Variants in PSMA1 observed in about 807,000 individuals in gnomAD.
The protein encoded by PSMA1 is proteasome 20S subunit alpha 1.
A neutral mutation model predicts 38.4 loss-of-function variants in PSMA1; 3 were observed. The observed-to-expected ratio is 0.08, with a 90% CI of 0.04 to 0.20. PSMA1 has a LOEUF of 0.20. PSMA1 is among the 10% of genes least tolerant of loss of function. PSMA1 has a pLI of 1.00. For synonymous variants in PSMA1, 101 were observed against 107.1 expected, an observed-to-expected ratio of 0.94 and a Z score of 0.35; for missense variants, 227 against 325.3, an observed-to-expected ratio of 0.70 and a Z score of 2.32.
intron 1 of PSMA1, among the ~76,000 whole-genome samples, chr11:14,634,024 C>T (rs1352569927): frequency 6.6e-6 from 1 of 152,178 alleles, no homozygotes; most frequent in Admixed American, 6.5e-5. Flanking sequence ...ACCCACTGAC[C>T]TGCGCCCACT....
chr11:14,559,356 G>A (rs924971920), intron 2 of PSMA1, among the ~76,000 whole-genome samples: 1 of 152,178 alleles, frequency 6.6e-6, no homozygotes, highest in African/African-American at 2.4e-5. Context: ...AAGAAATAGA[G>A]AAACAAGATG....
At chr11:14,566,234 A>C (rs1206720945) in intron 2 of PSMA1, among the ~76,000 whole-genome samples, 2 of 152,234 alleles carry the variant, frequency 1.3e-5, no homozygotes, top group East Asian at 3.8e-4. Flanking sequence ...TCTAGCTGCT[A>C]TATTGGGAAT....
intron 2 of PSMA1, among the ~76,000 whole-genome samples, chr11:14,572,372 G>A (rs568783131): frequency 2.0e-5 from 3 of 152,246 alleles, no homozygotes; most frequent in Non-Finnish European, 4.4e-5. Flanking sequence ...ACTGAAAACT[G>A]CTCAACTACA....
At chr11:14,564,734 T>C (rs1415403643) in intron 2 of PSMA1, among the ~76,000 whole-genome samples, 1 of 152,134 alleles carries the variant, frequency 6.6e-6, no homozygotes, top group Admixed American at 6.6e-5. Context: ...TTCTTACAAG[T>C]AAGTGAATTT....
chr11:14,573,775 G>C (rs1382060020), intron 2 of PSMA1, among the ~76,000 whole-genome samples: 5 of 152,208 alleles, frequency 3.3e-5, no homozygotes, highest in African/African-American at 1.2e-4. Context: ...CATCGTGTCA[G>C]CCCAAAATCT....
chr11:14,513,452 T>A (rs1195774819), intron 7 of PSMA1, 118 bp downstream of exon 7: 22 of 1,136,862 alleles, frequency 1.9e-5, no homozygotes, highest in Middle Eastern at 6.6e-4. Context: ...ATAATTTTTT[T>A]TAAAAAAATT....
Position 14,510,955 on chromosome 11 carries a change from T to C in PSMA1, c.545-4A>G, listed in dbSNP as rs1282279923. On this transcript the variant is annotated splice_region_variant and splice_polypyrimidine_tract_variant and intron_variant, in intron 7 of 9. Coordinates refer to ENST00000396394, the MANE Select transcript of PSMA1 (RefSeq NM_002786.4). ...TTAACTAGTTCATTTAAATTACCTA[T>C]ATGTAATAAATTAACAATTATTTCT... is the stretch of plus-strand genomic sequence containing the variant. The C allele has an allele frequency of 3.2e-6, 5 of 1,542,632 alleles. No individual in the cohort carries two copies. Among genetic ancestry groups the C allele is most frequent in the Non-Finnish European group, 4.4e-6 (5 of 1,129,966 alleles).
intron 8 of PSMA1, among the ~76,000 whole-genome samples, chr11:14,510,604 T>TG (rs1851327900): frequency 6.6e-6 from 1 of 152,236 alleles, no homozygotes; most frequent in East Asian, 1.9e-4. Context: ...TATATATTTT[T>TG]GTTAACTAAA....
chr11:14,525,361 A>T (rs931748603), upstream of PSMA1, among the ~76,000 whole-genome samples: 5 of 152,058 alleles, frequency 3.3e-5, no homozygotes, highest in Admixed American at 2.6e-4. Flanking sequence ...CAAGTATAGG[A>T]CACCTCTACT....
rs534582684 is a variant in PSMA1, at chr11:14,621,750, A to C, written c.-165-10599T>G. Among the ~76,000 whole-genome samples, 3 of 152,126 alleles carry C rather than the reference A, an allele frequency of 2.0e-5. No individual in the cohort carries two copies. The South Asian group carries it at 6.2e-4, about 32-fold the overall frequency. ...TCACATTCTCAGAAAAATATTGCAGACTCTTTCACTTTAAAGGCCAACACA... is the reference window on the plus strand; with the variant it reads ...TCACATTCTCAGAAAAATATTGCAGCCTCTTTCACTTTAAAGGCCAACACA... On this transcript the variant is annotated intron_variant, in intron 1 of 10. Coordinates refer to the PSMA1 transcript ENST00000418988.
intron 1 of PSMA1, among the ~76,000 whole-genome samples, chr11:14,630,158 C>T (rs911446936): frequency 1.4e-4 from 21 of 152,154 alleles, no homozygotes; most frequent in African/African-American, 4.6e-4. Context: ...CCCTTTATTT[C>T]CTTCTCCTGC....
chr11:14,529,830 C>T (rs1314929908), intron 2 of PSMA1, among the ~76,000 whole-genome samples: 1 of 152,152 alleles, frequency 6.6e-6, no homozygotes, highest in Admixed American at 6.5e-5. Context: ...AAGTCTCATC[C>T]TTCTTTGTGA....
At chr11:14,592,376 C>A (rs11828306) in intron 2 of PSMA1, among the ~76,000 whole-genome samples, 23,900 of 121,768 alleles carry the variant, frequency 0.2, 2,252 homozygotes, top group Non-Finnish European at 0.23. Context: ...CTCTCTCTCT[C>A]TATATATATA....
chr11:14,540,076 G>C (rs1227553658), intron 2 of PSMA1, among the ~76,000 whole-genome samples: 1 of 152,194 alleles, frequency 6.6e-6, no homozygotes, highest in Non-Finnish European at 1.5e-5. Flanking sequence ...CTCTGGCACA[G>C]GGTTTCCATT....
intron 1 of PSMA1, among the ~76,000 whole-genome samples, chr11:14,626,475 C>A (rs1852912852): frequency 6.6e-6 from 1 of 152,110 alleles, no homozygotes; most frequent in South Asian, 2.1e-4. Flanking sequence ...CTCTCTAGAG[C>A]TAAAGAAAGA....
rs1200842759 is a variant in PSMA1, at chr11:14,534,534, G to A, written c.22-15493C>T. Among the ~76,000 whole-genome samples the A allele has an allele frequency of 6.6e-6, 1 of 152,030 alleles. No homozygotes were observed. The highest frequency in any genetic ancestry group is 1.5e-5 in the Non-Finnish European group (1 of 67,988). ...GGCTTTTGCTCTGTTGCCCAGGCTGGAGTGCAGTGGTGTGATCAAAGTTCA... is the reference window on the plus strand; with the variant it reads ...GGCTTTTGCTCTGTTGCCCAGGCTGAAGTGCAGTGGTGTGATCAAAGTTCA... On this transcript the variant is annotated intron_variant, in intron 2 of 10. Transcript: ENST00000418988. This position sits in a 1 kb window ranked among gnomAD's most constrained non-coding sequence, Gnocchi z 4.5.
chr11:14,515,592 T>A (rs180892148), intron 4 of PSMA1, among the ~76,000 whole-genome samples: 1 of 151,738 alleles, frequency 6.6e-6, no homozygotes, highest in Middle Eastern at 3.2e-3. Flanking sequence ...TCGCTCTTGT[T>A]GCCCAGGCTG....
intron 2 of PSMA1, among the ~76,000 whole-genome samples, chr11:14,537,532 A>T (rs975361837): frequency 8.6e-5 from 13 of 151,342 alleles, no homozygotes; most frequent in Non-Finnish European, 1.0e-4. Flanking sequence ...AAGTTGCTAT[A>T]ACTTCCCTGC....
rs186412841 is a variant in PSMA1 at position 14,585,744 on chromosome 11, C to G, written c.21+25222G>C. Among the ~76,000 whole-genome samples, 19 of 152,280 alleles carry G rather than the reference C, an allele frequency of 1.2e-4. No individual in the cohort carries two copies. In the East Asian group the frequency reaches 3.7e-3, roughly 29 times the overall value. On this transcript the variant is annotated intron_variant, in intron 2 of 10. Coordinates refer to the PSMA1 transcript ENST00000418988. The stretch of plus-strand genomic sequence containing the variant: ...TCTGCTCATGCTAGCTCTGTGATCC[C>G]ATGGCATATTGCAGTGCAGTAGCCC...
Sources: gnomAD v4.1 joint callset for allele counts (sites outside exome capture counted in the v4.1 genomes callset) on GRCh38, gnomAD v4.1.1 for gene constraint, Gnocchi (gnomAD v3.1) non-coding constraint, MANE v1.5 for transcripts, NCBI Gene and HGNC (gene_info 2026-07-23, HGNC 2026-07-21) for gene names.